Variants in RPS6KA2 observed in about 807,000 individuals in gnomAD.
The protein encoded by RPS6KA2 is ribosomal protein S6 kinase A2, also known as ribosomal protein S6 kinase alpha-2.
RPS6KA2 carries 42 observed loss-of-function variants against 91.8 expected under a neutral mutation model. The observed-to-expected ratio is 0.46, with a 90% CI of 0.36 to 0.59. The LOEUF (loss-of-function observed/expected upper bound fraction) is 0.59, where lower values mean the gene tolerates loss of function less well. Ranked by LOEUF, RPS6KA2 falls within the 20% of genes least tolerant of loss-of-function variation. The pLI, the probability that RPS6KA2 is intolerant of heterozygous loss-of-function variation, is 0.00. For missense variants in RPS6KA2, 798 were observed against 978.5 expected (o/e 0.82, Z 2.46); for synonymous variants, 414 against 393.6 (o/e 1.05, Z -0.61).
chr6:166,840,184 G>A (rs961678288), intron 2 of RPS6KA2, among the ~76,000 whole-genome samples: 2 of 152,074 alleles, frequency 1.3e-5, no homozygotes, highest in Admixed American at 1.3e-4. Flanking sequence ...TCCTTGATCT[G>A]CAGTGTCCTG....
At position 166,490,097 on chromosome 6, in the gene RPS6KA2, C is replaced by G. The variant is rs2128473674; in HGVS notation, c.818+574G>C. On this transcript the variant is annotated intron_variant, in intron 9 of 20. Transcript: ENST00000265678. The surrounding 1 kb of genome is among the most constrained non-coding windows in gnomAD (Gnocchi z 4.2). Reference sequence around the variant, plus strand: ...TTCTTCCTACAGTCCAAGAGCAAAACCTTGGCTTAGTAAATGATTTTTCAT... The same window carrying G: ...TTCTTCCTACAGTCCAAGAGCAAAAGCTTGGCTTAGTAAATGATTTTTCAT... 6.6e-6 allele frequency among the ~76,000 whole-genome samples: 1 copy of G among 152,230 alleles called. No homozygotes were observed. The highest frequency in any genetic ancestry group is 2.1e-4 in the South Asian group (1 of 4,816).
At chr6:166,567,624 C>T (rs536114748) in intron 1 of RPS6KA2, among the ~76,000 whole-genome samples, 4 of 152,296 alleles carry the variant, frequency 2.6e-5, no homozygotes, top group East Asian at 1.9e-4. Flanking sequence ...AAATCGGCAG[C>T]GGACTGGTTT....
intron 1 of RPS6KA2, among the ~76,000 whole-genome samples, chr6:166,549,641 G>A (rs1783934670): frequency 6.6e-6 from 1 of 152,146 alleles, no homozygotes; most frequent in Non-Finnish European, 1.5e-5. Flanking sequence ...AGAGGTGAGG[G>A]ATGGTTGGTG....
At chr6:166,486,479 T>C (rs1036307415) in intron 10 of RPS6KA2, among the ~76,000 whole-genome samples, 7 of 152,242 alleles carry the variant, frequency 4.6e-5, no homozygotes, top group Non-Finnish European at 1.0e-4. Flanking sequence ...TGTTGGTGAA[T>C]ACCCCTCTAA....
At chr6:166,560,465 AG>A (rs1784311101) in intron 1 of RPS6KA2, among the ~76,000 whole-genome samples, 1 of 152,246 alleles carries the variant, frequency 6.6e-6, no homozygotes, top group African/African-American at 2.4e-5. Flanking sequence ...TCTCAAGCAC[AG>A]TGCCAGAATG....
At chr6:166,791,327 T>C (rs1450397167) in intron 2 of RPS6KA2, among the ~76,000 whole-genome samples, 3 of 152,118 alleles carry the variant, frequency 2.0e-5, no homozygotes, top group African/African-American at 4.8e-5. Flanking sequence ...ATCCTAAATA[T>C]ATATGCACCC....
intron 2 of RPS6KA2, among the ~76,000 whole-genome samples, chr6:166,532,447 G>A (rs775222292): frequency 6.6e-5 from 10 of 152,204 alleles, no homozygotes; most frequent in Non-Finnish European, 4.4e-5. Flanking sequence ...AAGAGGGACC[G>A]GGAAGACGCA....
chr6:166,481,779 G>A (rs1340735935), intron 10 of RPS6KA2, among the ~76,000 whole-genome samples: 4 of 151,030 alleles, frequency 2.6e-5, no homozygotes, highest in Admixed American at 2.0e-4. Context: ...CTACAGAGTG[G>A]AGGCCTCTGC....
chr6:166,422,488 A>C (rs1778759317), intron 17 of RPS6KA2, among the ~76,000 whole-genome samples: 1 of 152,124 alleles, frequency 6.6e-6, no homozygotes, highest in Non-Finnish European at 1.5e-5. Flanking sequence ...ACAGACTCTG[A>C]AGTCCGCCTT....
rs377339171 is a variant in RPS6KA2 at position 166,678,251 on chromosome 6, G to A, written c.124-139467C>T. 3.3e-5 allele frequency among the ~76,000 whole-genome samples: 5 copies of A among 152,064 alleles called. No individual in the cohort carries two copies. The East Asian group carries it at 9.7e-4, about 29-fold the overall frequency. On this transcript the variant is annotated intron_variant, in intron 2 of 21. Transcript: ENST00000503859. ...CAGCACCCATTCTTACTCCAGGTGG[G>A]TCTAAATCCTCTCTGCTCCTCACGA... is the stretch of plus-strand genomic sequence containing the variant.
At chr6:166,516,738 G>T (rs1162920743) in intron 3 of RPS6KA2, among the ~76,000 whole-genome samples, 1 of 152,146 alleles carries the variant, frequency 6.6e-6, no homozygotes, top group Non-Finnish European at 1.5e-5. Context: ...CAGGGCCCAC[G>T]GGAGAGCAGG....
intron 2 of RPS6KA2, among the ~76,000 whole-genome samples, chr6:166,708,776 T>A (rs550842332): frequency 5.9e-5 from 9 of 152,364 alleles, no homozygotes; most frequent in African/African-American, 1.7e-4. Context: ...TTCCTTCTCA[T>A]ACAATTGAAC....
chr6:166,604,963 AG>A (rs1785892282), intron 1 of RPS6KA2, among the ~76,000 whole-genome samples: 1 of 152,134 alleles, frequency 6.6e-6, no homozygotes, highest in Non-Finnish European at 1.5e-5. Context: ...GATATCTATA[AG>A]TCTCTAATAG....
chr6:166,429,107 T>TA (rs1013264054), intron 16 of RPS6KA2, among the ~76,000 whole-genome samples: 2 of 152,018 alleles, frequency 1.3e-5, no homozygotes, highest in Non-Finnish European at 2.9e-5. Context: ...TATGCAGCCA[T>TA]AAAAAATGAT....
Position 166,423,218 on chromosome 6 carries a change from G to A in RPS6KA2, c.1743+38C>T, listed in dbSNP as rs1351960555. 1.3e-6 allele frequency: 2 copies of A among 1,576,304 alleles called. No individual in the cohort carries two copies. The highest frequency in any genetic ancestry group is 1.1e-5 in the South Asian group (1 of 87,644). ...GGAGGGGGCAGAGCCTGTCTTTGCG[G>A]ATAGAGAGGCCTGGGTCTGCAGTCG... is the stretch of plus-strand genomic sequence containing the variant. On this transcript the variant is annotated intron_variant, in intron 17 of 20. Transcript: ENST00000265678. This position sits in a 1 kb window ranked among gnomAD's most constrained non-coding sequence, Gnocchi z 4.8.
At chr6:166,597,107 A>C (rs1785559684) in intron 1 of RPS6KA2, among the ~76,000 whole-genome samples, 1 of 152,188 alleles carries the variant, frequency 6.6e-6, no homozygotes, top group African/African-American at 2.4e-5. Context: ...CACCCACGAA[A>C]ACGAGACCAA....
chr6:166,800,332 C>G (rs1015177555), intron 2 of RPS6KA2, among the ~76,000 whole-genome samples: 1 of 152,216 alleles, frequency 6.6e-6, no homozygotes, highest in Admixed American at 6.5e-5. Context: ...AGCTCCCGGA[C>G]AGTTCTGCGG....
rs568344832 is a variant in RPS6KA2, at chr6:166,805,758, CAA to C, written c.123+52440_123+52441del. On this transcript the variant is annotated intron_variant, in intron 2 of 21. Transcript: ENST00000503859. ...AAAAAACAGGAAAATAAGGCTCATT[CAA>C]AGGAAAAAAATAAACCAAAAACTGT... is the stretch of plus-strand genomic sequence containing the variant. Among the ~76,000 whole-genome samples, 5 of 151,898 alleles carry C rather than the reference CAA, an allele frequency of 3.3e-5. No individual in the cohort carries two copies. In the South Asian group the frequency reaches 6.2e-4, roughly 19 times the overall value.
At position 166,733,119 on chromosome 6, in the gene RPS6KA2, G is replaced by C. The variant is rs1790579381; in HGVS notation, c.123+125081C>G. Among the ~76,000 whole-genome samples, 1 of 152,182 alleles carries C rather than the reference G, an allele frequency of 6.6e-6. No individual in the cohort carries two copies. The highest frequency in any genetic ancestry group is 6.5e-5 in the Admixed American group (1 of 15,288). On this transcript the variant is annotated intron_variant, in intron 2 of 21. Coordinates refer to the RPS6KA2 transcript ENST00000503859. The surrounding 1 kb of genome is among the most constrained non-coding windows in gnomAD (Gnocchi z 4.1). ...GTGGATCGAGCCTACCCTGTACTCAGGGCCATGCCAAACCATTGCACATCA... is the reference window on the plus strand; with the variant it reads ...GTGGATCGAGCCTACCCTGTACTCACGGCCATGCCAAACCATTGCACATCA...
Sources: gnomAD v4.1 joint callset for allele counts (sites outside exome capture counted in the v4.1 genomes callset) on GRCh38, gnomAD v4.1.1 for gene constraint, Gnocchi (gnomAD v3.1) non-coding constraint, MANE v1.5 for transcripts, NCBI Gene and HGNC (gene_info 2026-07-23, HGNC 2026-07-21) for gene names.